The following MYH2 variants were observed in gnomAD, a reference collection of about 807,000 sequenced individuals.
MYH2 encodes the protein myosin heavy chain 2.
Under a neutral mutation model 228.1 loss-of-function variants are expected in MYH2, and 139 were observed. That is an observed-to-expected ratio of 0.61 (90% CI 0.53 to 0.70). MYH2 has a LOEUF of 0.70. Ranked by LOEUF, MYH2 falls within the 30% of genes least tolerant of loss-of-function variation. The pLI is 0.00. For missense variants in MYH2, 1,809 were observed against 2,357.5 expected (o/e 0.77, Z 4.82); for synonymous variants, 796 against 871.1 (o/e 0.91, Z 1.52).
intron 30 of MYH2, 48 bp downstream of exon 30, chr17:10,526,551 T>C: frequency 6.2e-7 from 1 of 1,611,508 alleles, no homozygotes; most frequent in Non-Finnish European, 8.5e-7. Context: ...GTCTTTCTGA[T>C]TCAATATGCA....
chr17:10,537,962 A>G lies in MYH2; in HGVS notation c.1417-127T>C. 1 of 1,504,086 alleles carries G rather than the reference A, an allele frequency of 6.6e-7. No homozygotes were observed. Among genetic ancestry groups the G allele is most frequent in the Non-Finnish European group, 9.0e-7 (1 of 1,111,394 alleles). 93.2% of individuals were successfully genotyped at this position (1,504,086 alleles called of 1,614,324 possible). A position where few individuals can be genotyped will look rare whatever the true frequency, so the allele number is the denominator to read the frequency against. ...TTACAGATATTAAAATCACTGGGTT[A>G]AAGAGACTTTGAAATAAAAGGTGAA... On this transcript the variant is annotated intron_variant, in intron 14 of 39. Transcript: ENST00000245503. This position sits in a 1 kb window ranked among gnomAD's most constrained non-coding sequence, Gnocchi z 4.0.
At position 10,521,357 on chromosome 17, in the gene MYH2, C is replaced by T. The variant is rs1051054791; in HGVS notation, c.5749G>A (p.Asp1917Asn). The T allele has an allele frequency of 1.1e-5, 17 of 1,614,160 alleles. No homozygotes were observed. Among genetic ancestry groups the T allele is most frequent in the African/African-American group, 1.3e-5 (1 of 75,048 alleles). Reference sequence around the variant, plus strand: ...TTGTTCACCTGGGACTCAGCAATGTCAGCCCGTTCCTCGGCCTCCTCCAGC... The same window carrying T: ...TTGTTCACCTGGGACTCAGCAATGTTAGCCCGTTCCTCGGCCTCCTCCAGC... ...HELEEAEERA[D>N]IAESQVNKLR... The change falls in exon 40 of 40, where the codon GAC becomes AAC. Residue 1917 changes from aspartate (D) to asparagine (N), a missense_variant. Physicochemically the swap from Asp to Asn is conservative, Grantham distance 23 (BLOSUM62 1). This residue lies in a region of MYH2 where 278 missense variants were observed against 308.5 expected (regional missense o/e 0.90). Coordinates refer to ENST00000245503, the MANE Select transcript of MYH2 (RefSeq NM_017534.6).
At chr17:10,536,763 A>G (rs2073486532) in intron 16 of MYH2, among the ~76,000 whole-genome samples, 157 bp from the exon 17 acceptor site, 1 of 152,210 alleles carries the variant, frequency 6.6e-6, no homozygotes, top group Non-Finnish European at 1.5e-5. Context: ...CTAAGTTTGC[A>G]GCCACTTATC....
intron 27 of MYH2, among the ~76,000 whole-genome samples, 161 bp from the exon 28 acceptor site, chr17:10,528,035 T>TTTTC (rs1454654943): frequency 5.2e-5 from 7 of 134,316 alleles, no homozygotes; most frequent in East Asian, 5.9e-4. Flanking sequence ...GCAGAAAAAT[T>TTTTC]TTTCTTTCTT....
intron 22 of MYH2, among the ~76,000 whole-genome samples, chr17:10,530,793 C>A (rs945984064): frequency 2.6e-5 from 4 of 152,112 alleles, no homozygotes; most frequent in Non-Finnish European, 5.9e-5. Flanking sequence ...CTGCATAAAT[C>A]TCTGGGGACA....
intron 10 of MYH2, among the ~76,000 whole-genome samples, chr17:10,542,569 A>T (rs1314259287): frequency 6.6e-6 from 1 of 152,196 alleles, no homozygotes; most frequent in Admixed American, 6.5e-5. Context: ...CAGTTATGAA[A>T]ATTGTATGTA....
intron 13 of MYH2, 32 bp from the exon 14 acceptor site, chr17:10,539,386 A>G: frequency 6.2e-7 from 1 of 1,614,218 alleles, no homozygotes; most frequent in Non-Finnish European, 8.5e-7. Flanking sequence ...TCTCGAAGTT[A>G]TTAAAGGCCT....
intron 21 of MYH2, 48 bp from the exon 22 acceptor site, chr17:10,531,936 G>A (rs924708801): frequency 6.2e-7 from 1 of 1,609,168 alleles, no homozygotes; most frequent in African/African-American, 1.3e-5. Context: ...GATGCAATGG[G>A]ATGAAACCTT....
chr17:10,522,899 A>C (rs12937587), intron 39 of MYH2, among the ~76,000 whole-genome samples, 191 bp downstream of exon 39: 1 of 152,068 alleles, frequency 6.6e-6, no homozygotes, highest in South Asian at 2.1e-4. Context: ...TTTTTTCAGG[A>C]TTCTTGGTGG....
intron 3 of MYH2, 44 bp downstream of exon 3, chr17:10,547,673 A>T: frequency 1.2e-6 from 2 of 1,614,156 alleles, no homozygotes; most frequent in Non-Finnish European, 1.7e-6. Context: ...AACAACAACA[A>T]CAAAAATCAA....
rs1278229826 is a variant in MYH2, at chr17:10,547,725, C to G, written c.196G>C (p.Gly66Arg). 1.2e-6 allele frequency: 2 copies of G among 1,614,082 alleles called. No individual in the cohort carries two copies. The highest frequency in any genetic ancestry group is 1.7e-6 in the Non-Finnish European group (2 of 1,180,036). Residue 66 changes from glycine to arginine, a missense_variant, in exon 3 of 40, where the codon GGA becomes CGA. By Grantham distance (125) the Gly-to-Arg change is moderately radical. Coordinates refer to ENST00000245503, the MANE Select transcript of MYH2 (RefSeq NM_017534.6). ...EGGKVTVKTE[G>R]GATLTVKDDQ... ...CCTGGGATTCTACTCACCGCTCCTCCCTCAGTCTTCACCGTCACTTTTCCT... is the reference window on the plus strand; with the variant it reads ...CCTGGGATTCTACTCACCGCTCCTCGCTCAGTCTTCACCGTCACTTTTCCT...
intron 19 of MYH2, among the ~76,000 whole-genome samples, chr17:10,534,700 T>A (rs1597453267): frequency 1.3e-5 from 2 of 152,218 alleles, no homozygotes; most frequent in Non-Finnish European, 1.5e-5. Context: ...GCGGATGACC[T>A]GAGGTCAGGA....
At chr17:10,547,274 C>G (rs907988527) in intron 4 of MYH2, among the ~76,000 whole-genome samples, 2 of 152,148 alleles carry the variant, frequency 1.3e-5, no homozygotes, top group African/African-American at 2.4e-5. Context: ...CAGCGGCCTT[C>G]CCCAGCTTTG....
intron 14 of MYH2, 85 bp downstream of exon 14, chr17:10,539,120 A>G: frequency 6.2e-7 from 1 of 1,608,648 alleles, no homozygotes; most frequent in South Asian, 1.1e-5. Flanking sequence ...TGGTAAGAAA[A>G]GGTCATAGTC....
chr17:10,531,813 G>T lies in MYH2; in HGVS notation c.2517C>A (p.Phe839Leu), dbSNP rs1489105001. The change falls in exon 22 of 40, where the codon TTC becomes TTA. Residue 839 changes from phenylalanine (F) to leucine (L), a missense_variant. Phe to Leu is a conservative substitution (Grantham distance 22, BLOSUM62 0). Coordinates refer to ENST00000245503, the MANE Select transcript of MYH2 (RefSeq NM_017534.6). ...TCTTCAACAGAGGCTTGATCTTGAA[G>T]AAGAGTTTCATCCAGGGCCAGTGCT... ...NVKHWPWMKL[F>L]FKIKPLLKSA... is the part of the protein sequence containing the mutation. The T allele has an allele frequency of 1.2e-6, 2 of 1,614,156 alleles. No individual in the cohort carries two copies. Among genetic ancestry groups the T allele is most frequent in the South Asian group, 2.2e-5 (2 of 91,084 alleles).
Position 10,535,021 on chromosome 17 carries a change from T to C in MYH2, c.2180+52A>G, listed in dbSNP as rs920148301. On this transcript the variant is annotated intron_variant, in intron 19 of 39. Coordinates refer to ENST00000245503, the MANE Select transcript of MYH2 (RefSeq NM_017534.6). ...TTTCACTAAATTGTTTTGCTTGCAT[T>C]AAACTTGTTCATATTAAACTTCAGA... 7 of 1,584,772 alleles carry C rather than the reference T, an allele frequency of 4.4e-6. No homozygotes were observed. The African/African-American group carries it at 8.1e-5, about 18-fold the overall frequency.
Position 10,537,114 on chromosome 17 carries a change from A to C in MYH2, c.1897+119T>G. ...TTACAAGGCTGCCTATCTATTCAAT[A>C]CTTGGAGGAACCAGGGGCTTGGTCT... On this transcript the variant is annotated intron_variant, in intron 16 of 39. Coordinates refer to ENST00000245503, the MANE Select transcript of MYH2 (RefSeq NM_017534.6). This position sits in a 1 kb window ranked among gnomAD's most constrained non-coding sequence, Gnocchi z 4.0. 7.4e-7 allele frequency: 1 copy of C among 1,348,118 alleles called. No homozygotes were observed. Among genetic ancestry groups the C allele is most frequent in the Non-Finnish European group, 1.1e-6 (1 of 949,480 alleles). 83.5% of individuals were successfully genotyped at this position (1,348,118 alleles called of 1,614,324 possible).
intron 21 of MYH2, 50 bp from the exon 22 acceptor site, chr17:10,531,938 T>C: frequency 6.2e-7 from 1 of 1,608,152 alleles, no homozygotes; most frequent in Non-Finnish European, 8.5e-7. Context: ...TGCAATGGGA[T>C]GAAACCTTGG....
In MYH2 at chr17:10,537,985, G is replaced by A; in HGVS notation, c.1417-150C>T. 7.1e-7 allele frequency: 1 copy of A among 1,407,736 alleles called. No homozygotes were observed. Among genetic ancestry groups the A allele is most frequent in the Non-Finnish European group, 9.6e-7 (1 of 1,041,590 alleles). The allele number at this position is 1,407,736 out of a possible 1,614,324, so 87.2% of individuals were successfully genotyped here. ...TTAAAGAGACTTTGAAATAAAAGGT[G>A]AAAAGTATGGAAGGTTTGAGGGCAT... On this transcript the variant is annotated intron_variant, in intron 14 of 39. Coordinates refer to ENST00000245503, the MANE Select transcript of MYH2 (RefSeq NM_017534.6). The surrounding 1 kb of genome is among the most constrained non-coding windows in gnomAD (Gnocchi z 4.0).
Sources: gnomAD v4.1 joint callset for allele counts (sites outside exome capture counted in the v4.1 genomes callset) on GRCh38, gnomAD v4.1.1 for gene constraint, gnomAD v4.1.1 regional missense constraint, Gnocchi (gnomAD v3.1) non-coding constraint, MANE v1.5 for transcripts, NCBI Gene and HGNC (gene_info 2026-07-23, HGNC 2026-07-21) for gene names.